ABL2: variants seen among roughly 807,000 people sequenced by gnomAD.
ABL2 encodes the protein ABL proto-oncogene 2, non-receptor tyrosine kinase.
In ABL2, 49 loss-of-function variants were observed where a neutral mutation model predicts 107.7. That is an observed-to-expected ratio of 0.45 (90% CI 0.36 to 0.58). The LOEUF (loss-of-function observed/expected upper bound fraction) is 0.58. Among genes scored for constraint, ABL2 ranks in the 20% least tolerant of loss-of-function variants. The pLI, the probability that ABL2 is intolerant of heterozygous loss-of-function variation, is 0.00. For synonymous variants in ABL2, 549 were observed against 548.6 expected (o/e 1.00, Z -0.01); for missense variants, 1,245 against 1,457.0 (o/e 0.85, Z 2.37).
chr1:179,133,517 C>T (rs1557939742), intron 1 of ABL2, 143 bp from the exon 2 acceptor site: 15 of 1,305,844 alleles, frequency 1.1e-5, no homozygotes, highest in Non-Finnish European at 1.4e-5. Context: ...CCTCTCCCTA[C>T]TCCATACCTC....
At chr1:179,179,088 T>A (rs1660218697) in intron 1 of ABL2, among the ~76,000 whole-genome samples, 1 of 152,178 alleles carries the variant, frequency 6.6e-6, no homozygotes, top group South Asian at 2.1e-4. Context: ...TAACAACAGT[T>A]ACATCCTAAG....
intron 9 of ABL2, among the ~76,000 whole-genome samples, chr1:179,114,029 C>A (rs867464940): frequency 1.3e-5 from 2 of 151,686 alleles, no homozygotes; most frequent in Non-Finnish European, 2.9e-5. Context: ...CTAAGGCGGG[C>A]GCATCACTTG....
chr1:179,143,119 C>A, intron 1 of ABL2: 6 of 1,561,150 alleles, frequency 3.8e-6, no homozygotes, highest in Non-Finnish European at 5.2e-6. Flanking sequence ...CTCTGACAAG[C>A]AATACCACAT....
Position 179,224,224 on chromosome 1 carries a change from G to A in ABL2, c.157+5017C>T, listed in dbSNP as rs569735894. 4.0e-5 allele frequency among the ~76,000 whole-genome samples: 6 copies of A among 148,702 alleles called. No individual in the cohort carries two copies. The South Asian group carries it at 1.3e-3, about 32-fold the overall frequency. ...ACTTAAAATAATGAGTTTGATTTAA[G>A]GAAAAATTTTTGTTATTCCAAACTT... On this transcript the variant is annotated intron_variant, in intron 1 of 11. Coordinates refer to ENST00000502732, the MANE Select transcript of ABL2 (RefSeq NM_007314.4).
chr1:179,142,072 G>GC (rs1332401168), intron 1 of ABL2, among the ~76,000 whole-genome samples: 1 of 152,202 alleles, frequency 6.6e-6, no homozygotes, highest in Non-Finnish European at 1.5e-5. Context: ...ACGCCCAAAT[G>GC]CAAGTGTGTG....
At chr1:179,156,544 A>G (rs1658699841) in intron 1 of ABL2, among the ~76,000 whole-genome samples, 1 of 152,140 alleles carries the variant, frequency 6.6e-6, no homozygotes, top group Admixed American at 6.6e-5. Flanking sequence ...GAAGTTACAA[A>G]AGCACTGGAA....
Position 179,108,846 on chromosome 1 carries a change from C to G in ABL2, c.2421G>C (p.Arg807Ser). 6.2e-7 allele frequency: 1 copy of G among 1,614,174 alleles called. No individual in the cohort carries two copies. Among genetic ancestry groups the G allele is most frequent in the Non-Finnish European group, 8.5e-7 (1 of 1,180,052 alleles). Residue 807 changes from arginine to serine, a missense_variant, in exon 12 of 12, where the codon AGG becomes AGC. This residue lies in a region of ABL2 where 761 missense variants were observed against 766.4 expected (regional missense o/e 0.99). Transcript: ENST00000502732. The stretch of plus-strand genomic sequence containing the variant: ...CTGTCCTTTCCAGCTGGAGTTTGGA[C>G]CTCTGGCAGTTCCTGGGAAGGGTCA... The part of the protein sequence containing the change: ...MAMTLPRNCQ[R>S]SKLQLERTVS...
intron 1 of ABL2, among the ~76,000 whole-genome samples, chr1:179,191,464 A>G (rs1661009919): frequency 9.0e-6 from 1 of 110,646 alleles, no homozygotes; most frequent in South Asian, 3.1e-4. Flanking sequence ...CTTATTGCCC[A>G]GGCTGGAGTG....
intron 1 of ABL2, among the ~76,000 whole-genome samples, chr1:179,205,473 C>T (rs371167063): frequency 1.3e-5 from 2 of 152,192 alleles, no homozygotes; most frequent in Non-Finnish European, 2.9e-5. Flanking sequence ...TCCCTTCTGG[C>T]TTTTAGTTTC....
At chr1:179,223,852 G>T (rs1663018775) in intron 1 of ABL2, among the ~76,000 whole-genome samples, 1 of 151,386 alleles carries the variant, frequency 6.6e-6, no homozygotes. Flanking sequence ...TACTGGCCGG[G>T]TGCGGTGGCT....
At chr1:179,208,105 C>A (rs943607331) in intron 1 of ABL2, among the ~76,000 whole-genome samples, 3 of 151,952 alleles carry the variant, frequency 2.0e-5, no homozygotes, top group Non-Finnish European at 2.9e-5. Context: ...AAAAATAAAT[C>A]AGTTATATTT....
chr1:179,136,976 G>T (rs1038136424), intron 1 of ABL2, among the ~76,000 whole-genome samples: 2 of 149,554 alleles, frequency 1.3e-5, no homozygotes, highest in Non-Finnish European at 3.0e-5. Context: ...AATTCCTGTT[G>T]TAGGTTGGCT....
rs115092750 is a variant in ABL2, at chr1:179,127,038, C to T, written c.392-366G>A. 4.9e-3 allele frequency among the ~76,000 whole-genome samples: 750 copies of T among 152,228 alleles called. 6 individuals carry two copies. Among genetic ancestry groups the T allele is most frequent in the African/African-American group, 0.017 (719 of 41,540 alleles). On this transcript the variant is annotated intron_variant, in intron 3 of 11. Coordinates refer to ENST00000502732, the MANE Select transcript of ABL2 (RefSeq NM_007314.4). ...TCTTCAAAAGAAGAAAATTCACTTT[C>T]CCTCAAAAGTTTATCAAGGAATGTA...
chr1:179,138,917 C>T (rs908661054), intron 1 of ABL2, among the ~76,000 whole-genome samples: 4 of 152,194 alleles, frequency 2.6e-5, no homozygotes, highest in East Asian at 1.9e-4. Context: ...GTGGGCTTGG[C>T]GGGCCCCGCA....
intron 1 of ABL2, among the ~76,000 whole-genome samples, chr1:179,135,146 C>T (rs1418945988): frequency 1.3e-5 from 2 of 152,150 alleles, no homozygotes; most frequent in Non-Finnish European, 1.5e-5. Flanking sequence ...TCTGCCCGGC[C>T]GCCACCCCGT....
Position 179,114,886 on chromosome 1 carries a change from A to G in ABL2, c.1553T>C (p.Met518Thr), listed in dbSNP as rs759835839. Residue 518 changes from methionine to threonine, a missense_variant, in exon 9 of 12, where the codon ATG becomes ACG. This residue lies in a region of ABL2 where 320 missense variants were observed against 547.0 expected (regional missense o/e 0.59). Coordinates refer to ENST00000502732, the MANE Select transcript of ABL2 (RefSeq NM_007314.4). ...CATGCAAAAATACTCACATGCTCTC[A>G]TAAGTTCATAAACCTTAGGGGGGCA... The part of the protein sequence containing the change: ...EGCPPKVYEL[M>T]RACWKWSPAD... The G allele has an allele frequency of 6.2e-7, 1 of 1,601,272 alleles. No homozygotes were observed. The highest frequency in any genetic ancestry group is 8.5e-7 in the Non-Finnish European group (1 of 1,175,544).
intron 1 of ABL2, among the ~76,000 whole-genome samples, chr1:179,223,107 CTCA>C (rs1662968258): frequency 1.0e-5 from 1 of 96,570 alleles, no homozygotes; most frequent in Non-Finnish European, 2.1e-5. Flanking sequence ...AAGGCTCCCT[CTCA>C]AAAAAAAAAA....
In ABL2 at chr1:179,126,332, A is replaced by G; in HGVS notation, c.687+45T>C. The G allele has an allele frequency of 1.3e-6, 2 of 1,559,448 alleles. No homozygotes were observed. The highest frequency in any genetic ancestry group is 1.8e-6 in the Non-Finnish European group (2 of 1,139,214). Reference sequence around the variant, plus strand: ...TCAATCACGTTGAATATTATTTCACAGAGTAGCCAGTCCATGCTTAAAGGT... The same window carrying G: ...TCAATCACGTTGAATATTATTTCACGGAGTAGCCAGTCCATGCTTAAAGGT... On this transcript the variant is annotated intron_variant, in intron 4 of 11. Transcript: ENST00000502732. The surrounding 1 kb of genome is among the most constrained non-coding windows in gnomAD (Gnocchi z 4.4).
intron 1 of ABL2, among the ~76,000 whole-genome samples, chr1:179,210,520 A>AAAAAAAAAAAAAAG (rs1662212593): frequency 2.0e-5 from 3 of 146,460 alleles, no homozygotes; most frequent in African/African-American, 7.7e-5. Context: ...AAAAAAAAAG[A>AAAAAAAAAAAAAAG]AAAAAAAAAG....
Sources: gnomAD v4.1 joint callset for allele counts (sites outside exome capture counted in the v4.1 genomes callset) on GRCh38, gnomAD v4.1.1 for gene constraint, gnomAD v4.1.1 regional missense constraint, Gnocchi (gnomAD v3.1) non-coding constraint, MANE v1.5 for transcripts, NCBI Gene and HGNC (gene_info 2026-07-23, HGNC 2026-07-21) for gene names.